Variants in GBP6 observed in about 807,000 individuals in gnomAD.
GBP6 encodes the protein guanylate-binding protein 6.
In GBP6, 54 loss-of-function variants were observed where a neutral mutation model predicts 61.5. That is an observed-to-expected ratio of 0.88 (90% CI 0.71 to 1.10). The LOEUF (loss-of-function observed/expected upper bound fraction) is 1.10. GBP6 is among the 50% of genes least tolerant of loss of function. The pLI, the probability that GBP6 is intolerant of heterozygous loss-of-function variation, is 0.00. For missense variants in GBP6, 748 were observed against 752.8 expected (o/e 0.99, Z 0.07); for synonymous variants, 255 against 273.7 (o/e 0.93, Z 0.67).
In GBP6 at chr1:89,381,598, GTGTA is replaced by G. The variant is rs1652980691; in HGVS notation, c.872-91_872-88del. ...TATGTGTTTGCATGTGTGCACGCGC[GTGTA>G]TGTAAGTGCATGTGTGTGCTCAGAA... On this transcript the variant is annotated intron_variant, in intron 6 of 10. Transcript: ENST00000370456. 3.3e-6 allele frequency: 4 copies of G among 1,220,682 alleles called. No individual in the cohort carries two copies. The South Asian group carries it at 5.8e-5, about 18-fold the overall frequency. 75.6% of individuals were successfully genotyped at this position (1,220,682 alleles called of 1,614,324 possible).
intron 3 of GBP6, 28 bp downstream of exon 3, chr1:89,369,701 C>T (rs1429721465): frequency 1.2e-6 from 2 of 1,602,018 alleles, no homozygotes; most frequent in Non-Finnish European, 1.7e-6. Context: ...AGACAGGTTC[C>T]TTTTATTCCA....
In GBP6 at chr1:89,369,551, C is replaced by T. The variant is rs1181853579; in HGVS notation, c.196C>T (p.Pro66Ser). 1 of 1,613,594 alleles carries T rather than the reference C, an allele frequency of 6.2e-7. No homozygotes were observed. The part of the protein sequence containing the change: ...NHLAGQNHGF[P>S]LGSTVQSETK... The stretch of plus-strand genomic sequence containing the variant: ...CTTCCTCCTCTTCCCTGCAGGCTTC[C>T]CTCTGGGCTCCACGGTGCAGTCTGA... Residue 66 changes from proline (P) to serine (S), a missense_variant, in exon 3 of 11, where the codon CCT becomes TCT. By Grantham distance (74) the Pro-to-Ser change is moderately conservative. Coordinates refer to ENST00000370456, the MANE Select transcript of GBP6 (RefSeq NM_198460.3).
At chr1:89,367,796 T>C (rs981154318) in intron 1 of GBP6, among the ~76,000 whole-genome samples, 1 of 152,134 alleles carries the variant, frequency 6.6e-6, no homozygotes, top group Non-Finnish European at 1.5e-5. Context: ...CAGGTTAGTG[T>C]GTTACAAATA....
rs1570459965 is a variant in GBP6 at position 89,368,685 on chromosome 1, G to T, written c.134G>T (p.Gly45Val). Residue 45 changes from glycine (G) to valine (V), a missense_variant, in exon 2 of 11, where the codon GGA (glycine) becomes GTA (valine). Gly to Val is a moderately radical substitution (Grantham distance 109, BLOSUM62 -3). Coordinates refer to ENST00000370456, the MANE Select transcript of GBP6 (RefSeq NM_198460.3). ...SQPVVVVAIV[G>V]LYRTGKSYLM... ...CCAGTGGTGGTGGTGGCCATTGTAG[G>T]ACTGTACCGTACAGGGAAATCCTAC... 1 of 1,614,038 alleles carries T rather than the reference G, an allele frequency of 6.2e-7. No homozygotes were observed. Among genetic ancestry groups the T allele is most frequent in the South Asian group, 1.1e-5 (1 of 91,078 alleles).
chr1:89,388,057 A>AT lies in GBP6; in HGVS notation c.*2597dup, dbSNP rs903473746. Among the ~76,000 whole-genome samples, 86 of 151,614 alleles carry AT rather than the reference A, an allele frequency of 5.7e-4. No individual in the cohort carries two copies. Among genetic ancestry groups the AT allele is most frequent in the Non-Finnish European group, 6.5e-4 (44 of 67,878 alleles). The stretch of plus-strand genomic sequence containing the variant: ...TCTGTGAAACTGGGCCAAAGATAGA[A>AT]TTTTTTTTTCTGTGCTTTATACAGT... On this transcript the variant is annotated 3_prime_UTR_variant, in exon 11 of 11. Coordinates refer to ENST00000370456, the MANE Select transcript of GBP6 (RefSeq NM_198460.3).
intron 1 of GBP6, among the ~76,000 whole-genome samples, chr1:89,366,324 G>A (rs1040565457): frequency 2.6e-5 from 4 of 152,096 alleles, no homozygotes; most frequent in African/African-American, 4.8e-5. Context: ...TCTAGGCTAC[G>A]TATTTCAGCC....
chr1:89,378,102 G>T lies in GBP6; in HGVS notation c.319-1G>T. 6.2e-7 allele frequency: 1 copy of T among 1,610,774 alleles called. No homozygotes were observed. The highest frequency in any genetic ancestry group is 8.5e-7 in the Non-Finnish European group (1 of 1,179,220). On this transcript the variant is annotated splice_acceptor_variant, in intron 3 of 10. Transcript: ENST00000370456. LOFTEE classifies it high-confidence loss of function. ...GTCCTTTGCTCTAATGTGCTTTTTA[G>T]GGTGACCCTAAGAATGACTCCTGGA...
chr1:89,371,088 T>C (rs985558742), intron 3 of GBP6, among the ~76,000 whole-genome samples: 2 of 152,230 alleles, frequency 1.3e-5, no homozygotes, highest in African/African-American at 4.8e-5. Context: ...GGTGAGATCA[T>C]GCAGTATTTG....
In GBP6 at chr1:89,382,678, T is replaced by C. The variant is rs1244924507; in HGVS notation, c.1167T>C (p.Asn389=). Reference sequence around the variant, plus strand: ...TTCCCTTGCAGGAAACCACAATGAATAAGAAGGGGGATTTCTTGCTGCAGA... The same window carrying C: ...TTCCCTTGCAGGAAACCACAATGAACAAGAAGGGGGATTTCTTGCTGCAGA... ...FQKKFMETTM[N]KKGDFLLQNE... is the part of the protein sequence containing the mutation. Residue 389 remains asparagine (N), a synonymous_variant, in exon 8 of 11, where the codon AAT becomes AAC. Transcript: ENST00000370456. 1 of 1,613,910 alleles carries C rather than the reference T, an allele frequency of 6.2e-7. No individual in the cohort carries two copies.
At chr1:89,373,819 A>T (rs1652719096) in intron 3 of GBP6, among the ~76,000 whole-genome samples, 1 of 151,538 alleles carries the variant, frequency 6.6e-6, no homozygotes, top group South Asian at 2.1e-4. Context: ...TATAATAAAA[A>T]TATATAAATT....
At position 89,385,429 on chromosome 1, in the gene GBP6, G is replaced by C; in HGVS notation, c.1862G>C (p.Gly621Ala). 8 of 1,614,076 alleles carry C rather than the reference G, an allele frequency of 5.0e-6. No individual in the cohort carries two copies. Among genetic ancestry groups the C allele is most frequent in the Non-Finnish European group, 6.8e-6 (8 of 1,179,960 alleles). Residue 621 changes from glycine to alanine, a missense_variant, in exon 11 of 11, where the codon GGT (glycine) becomes GCT (alanine). Physicochemically the swap from Gly to Ala is moderately conservative, Grantham distance 60. Coordinates refer to ENST00000370456, the MANE Select transcript of GBP6 (RefSeq NM_198460.3). ...PAKLIGHGVKGVSSLFKKHKL... is the reference protein window; with the variant it reads ...PAKLIGHGVKAVSSLFKKHKL... ...AAATTAATTGGTCATGGTGTCAAAG[G>C]TGTGAGCTCACTCTTTAAAAAGCAT...
At position 89,369,512 on chromosome 1, in the gene GBP6, G is replaced by C. The variant is rs114371880; in HGVS notation, c.191-34G>C. ...CCCAGGGCGGCTTGGCTGCTCTGCT[G>C]TCCCTGTGCTTAGCTTCCTCCTCTT... On this transcript the variant is annotated intron_variant, in intron 2 of 10. Transcript: ENST00000370456. 5.7e-4 allele frequency: 922 copies of C among 1,606,084 alleles called. 3 individuals carry two copies. In the African/African-American group the frequency reaches 8.8e-3, roughly 15 times the overall value.
At position 89,378,108 on chromosome 1, in the gene GBP6, C is replaced by T. The variant is rs1478645550; in HGVS notation, c.324C>T (p.Asp108=). ...TEGLGDVEKG[D]PKNDSWIFAL... ...TGCTCTAATGTGCTTTTTAGGGTGA[C>T]CCTAAGAATGACTCCTGGATCTTTG... Residue 108 remains aspartate (D), a synonymous_variant, in exon 4 of 11, where the codon GAC becomes GAT. Coordinates refer to ENST00000370456, the MANE Select transcript of GBP6 (RefSeq NM_198460.3). 6.2e-7 allele frequency: 1 copy of T among 1,612,138 alleles called. No homozygotes were observed. Among genetic ancestry groups the T allele is most frequent in the Non-Finnish European group, 8.5e-7 (1 of 1,179,612 alleles).
rs139938902 is a variant in GBP6 at position 89,368,694 on chromosome 1, G to A, written c.143G>A (p.Arg48His). The change falls in exon 2 of 11, where the codon CGT (arginine) becomes CAT (histidine). Residue 48 changes from arginine (R) to histidine (H), a missense_variant. Arg to His is a conservative substitution (Grantham distance 29). Coordinates refer to ENST00000370456, the MANE Select transcript of GBP6 (RefSeq NM_198460.3). Reference sequence around the variant, plus strand: ...GTGGTGGCCATTGTAGGACTGTACCGTACAGGGAAATCCTACTTGATGAAC... The same window carrying A: ...GTGGTGGCCATTGTAGGACTGTACCATACAGGGAAATCCTACTTGATGAAC... Reference protein sequence around the residue: ...VVVVAIVGLYRTGKSYLMNHL... With the variant: ...VVVVAIVGLYHTGKSYLMNHL... The A allele has an allele frequency of 1.1e-4, 178 of 1,613,970 alleles. No individual in the cohort carries two copies. The highest frequency in any genetic ancestry group is 2.3e-4 in the Admixed American group (14 of 60,012).
At chr1:89,375,628 A>AAGTTCCTCATGTATTTTGGAT (rs1652784900) in intron 3 of GBP6, among the ~76,000 whole-genome samples, 1 of 151,976 alleles carries the variant, frequency 6.6e-6, no homozygotes, top group Non-Finnish European at 1.5e-5. Flanking sequence ...TGAGTTATAT[A>AAGTTCCTCATGTATTTTGGAT]AGTTCCTCAT....
At chr1:89,383,811 C>A in intron 9 of GBP6, 57 bp downstream of exon 9, 3 of 1,258,572 alleles carry the variant, frequency 2.4e-6, no homozygotes, top group Non-Finnish European at 3.4e-6. Flanking sequence ...TGCCCTCTAA[C>A]AGATCTAACA....
At chr1:89,379,350 G>T (rs745715727) in intron 5 of GBP6, among the ~76,000 whole-genome samples, 1 of 29,964 alleles carries the variant, frequency 3.3e-5, no homozygotes, top group Non-Finnish European at 5.1e-5. Flanking sequence ...CAACATTGGG[G>T]GGGGGGGGTC....
chr1:89,371,820 A>C (rs1479522947), intron 3 of GBP6, among the ~76,000 whole-genome samples: 10 of 152,162 alleles, frequency 6.6e-5, no homozygotes, highest in South Asian at 2.1e-4. Flanking sequence ...CCAGGGCAAT[A>C]AGGCAGGAGA....
intron 5 of GBP6, 116 bp downstream of exon 5, chr1:89,378,729 C>T (rs138550693): frequency 1.1e-4 from 88 of 787,818 alleles, no homozygotes; most frequent in Admixed American, 7.6e-4. Context: ...TCTGTAGAAA[C>T]GGGGACTGAG....
Sources: allele counts gnomAD v4.1 joint callset (sites outside exome capture counted in the v4.1 genomes callset), GRCh38; gene constraint gnomAD v4.1.1; transcripts MANE v1.5; gene names NCBI Gene and HGNC (gene_info 2026-07-23, HGNC 2026-07-21).